The following NSMCE1 variants were observed in gnomAD, a reference collection of about 807,000 sequenced individuals.
NSMCE1 encodes NSE1 component of SMC5/6 complex.
In NSMCE1, 18 loss-of-function variants were observed where a neutral mutation model predicts 29.6. The observed-to-expected ratio is 0.61, with a 90% CI of 0.42 to 0.90. The LOEUF (loss-of-function observed/expected upper bound fraction) is 0.90. Ranked by LOEUF, NSMCE1 falls within the 40% of genes least tolerant of loss-of-function variation. The pLI is 0.00. For synonymous variants in NSMCE1, 124 were observed against 133.4 expected (o/e 0.93, Z 0.49); for missense variants, 314 against 343.6 (o/e 0.91, Z 0.68).
intron 2 of NSMCE1, among the ~76,000 whole-genome samples, chr16:27,239,804 AC>A (rs1015173395): frequency 6.6e-6 from 1 of 152,186 alleles, no homozygotes. Context: ...AGCAAGTTGA[AC>A]CTCTAAACCT....
intron 2 of NSMCE1, among the ~76,000 whole-genome samples, chr16:27,237,093 C>T (rs555225531): frequency 4.6e-4 from 70 of 152,344 alleles, no homozygotes; most frequent in Non-Finnish European, 8.4e-4. Flanking sequence ...AAGCCCAGGG[C>T]AGTGACACTA....
chr16:27,232,014 C>T lies in NSMCE1; in HGVS notation c.483+987G>A, dbSNP rs1366114325. Reference sequence around the variant, plus strand: ...TCCACCCTGTCTTCCCATCAGGTACCCCAGGAACTGAATTCGGGTCAGGTT... The same window carrying T: ...TCCACCCTGTCTTCCCATCAGGTACTCCAGGAACTGAATTCGGGTCAGGTT... On this transcript the variant is annotated intron_variant, in intron 5 of 7. Coordinates refer to ENST00000361439, the MANE Select transcript of NSMCE1 (RefSeq NM_145080.4). This position sits in a 1 kb window ranked among gnomAD's most constrained non-coding sequence, Gnocchi z 4.5. 6.6e-6 allele frequency among the ~76,000 whole-genome samples: 1 copy of T among 152,222 alleles called. No individual in the cohort carries two copies. Among genetic ancestry groups the T allele is most frequent in the African/African-American group, 2.4e-5 (1 of 41,454 alleles).
rs1567273485 is a variant in NSMCE1 at position 27,232,949 on chromosome 16, CTG to C, written c.483+50_483+51del. 2 of 1,592,350 alleles carry C rather than the reference CTG, an allele frequency of 1.3e-6. No homozygotes were observed. Among genetic ancestry groups the C allele is most frequent in the Non-Finnish European group, 1.7e-6 (2 of 1,167,914 alleles). On this transcript the variant is annotated intron_variant, in intron 5 of 7. Coordinates refer to ENST00000361439, the MANE Select transcript of NSMCE1 (RefSeq NM_145080.4). This position sits in a 1 kb window ranked among gnomAD's most constrained non-coding sequence, Gnocchi z 4.5. ...TACAAGTACGATTTTGGAGAAAAAA[CTG>C]TTATTCACTTGAAAAAGTGAACCAG... is the stretch of plus-strand genomic sequence containing the variant.
At chr16:27,263,597 G>A (rs925245089) in intron 1 of NSMCE1, among the ~76,000 whole-genome samples, 21 of 152,120 alleles carry the variant, frequency 1.4e-4, no homozygotes, top group African/African-American at 5.1e-4. Context: ...ATCGGGTACT[G>A]GACTTAATTC....
chr16:27,237,221 A>G (rs2083835733), intron 2 of NSMCE1, among the ~76,000 whole-genome samples: 1 of 152,256 alleles, frequency 6.6e-6, no homozygotes, highest in South Asian at 2.1e-4. Flanking sequence ...AGATCGTAAC[A>G]TATGACAATG....
intron 2 of NSMCE1, among the ~76,000 whole-genome samples, chr16:27,237,852 T>A (rs964810007): frequency 5.3e-5 from 8 of 152,146 alleles, no homozygotes; most frequent in African/African-American, 1.7e-4. Flanking sequence ...CATGAATGTT[T>A]TGCTGTATTT....
At chr16:27,260,886 G>T (rs532885551) in intron 1 of NSMCE1, among the ~76,000 whole-genome samples, 1 of 147,272 alleles carries the variant, frequency 6.8e-6, no homozygotes, top group Non-Finnish European at 1.5e-5. Flanking sequence ...GGTTGCGGGG[G>T]CTGGTCGTGG....
At chr16:27,248,907 C>T (rs2083990528) in intron 2 of NSMCE1, among the ~76,000 whole-genome samples, 1 of 152,096 alleles carries the variant, frequency 6.6e-6, no homozygotes, top group Non-Finnish European at 1.5e-5. Flanking sequence ...CAGCTCACTC[C>T]AACCTCTGCC....
In NSMCE1 at chr16:27,251,552, A is replaced by C. The variant is rs1460579329; in HGVS notation, c.136+5883T>G. On this transcript the variant is annotated intron_variant, in intron 2 of 7. Coordinates refer to ENST00000361439, the MANE Select transcript of NSMCE1 (RefSeq NM_145080.4). ...GTTTAGCACGTTAACGTCTACGCTC[A>C]TGAGGAGTCTTGTTTGGGGTTTTCT... 2.0e-5 allele frequency among the ~76,000 whole-genome samples: 3 copies of C among 152,286 alleles called. No individual in the cohort carries two copies. In the South Asian group the frequency reaches 6.2e-4, roughly 32 times the overall value.
chr16:27,260,317 T>C (rs574787741), intron 1 of NSMCE1, among the ~76,000 whole-genome samples: 1 of 152,312 alleles, frequency 6.6e-6, no homozygotes, highest in East Asian at 1.9e-4. Flanking sequence ...TGGACATGAA[T>C]AAATTTTACA....
At chr16:27,258,239 T>C (rs1051265468) in intron 1 of NSMCE1, 1 of 152,258 alleles carries the variant, frequency 6.6e-6, no homozygotes. Context: ...AAATGGGATC[T>C]TTCCGTAAAC....
At chr16:27,226,445 C>T in intron 6 of NSMCE1, 1 of 428,050 alleles carries the variant, frequency 2.3e-6, no homozygotes, top group East Asian at 4.2e-5. Flanking sequence ...GCAGGTTGCA[C>T]AGAACACTCA....
intron 2 of NSMCE1, among the ~76,000 whole-genome samples, chr16:27,238,140 G>A (rs532413262): frequency 7.9e-5 from 12 of 152,282 alleles, no homozygotes; most frequent in East Asian, 5.8e-4. Flanking sequence ...CAGAGGTGGC[G>A]TGGTGGCATG....
rs372637787 is a variant in NSMCE1, at chr16:27,251,121, G to A, written c.136+6314C>T. On this transcript the variant is annotated intron_variant, in intron 2 of 7. Coordinates refer to ENST00000361439, the MANE Select transcript of NSMCE1 (RefSeq NM_145080.4). ...CTCCCAAAGTGCTGGGATTACAGGC[G>A]TGAGCTACCGCGCCCAGCCTTAATT... 1.6e-3 allele frequency among the ~76,000 whole-genome samples: 233 copies of A among 142,328 alleles called. 1 individual carries two copies. The East Asian group carries it at 0.032, about 19-fold the overall frequency. The allele number at this position is 142,328 out of a possible 152,430, so 93.4% of individuals were successfully genotyped here. A position where few individuals can be genotyped will look rare whatever the true frequency, so the allele number is the denominator to read the frequency against.
chr16:27,267,819 C>G (rs552160517), intron 1 of NSMCE1, among the ~76,000 whole-genome samples: 1 of 151,956 alleles, frequency 6.6e-6, no homozygotes, highest in Non-Finnish European at 1.5e-5. Flanking sequence ...ACCTCCGCCT[C>G]CCGGGTTCAA....
chr16:27,256,991 C>G (rs2084094406), intron 2 of NSMCE1, among the ~76,000 whole-genome samples: 1 of 152,182 alleles, frequency 6.6e-6, no homozygotes, highest in Non-Finnish European at 1.5e-5. Flanking sequence ...GCAGGGATAA[C>G]AGCGTGAGCC....
intron 1 of NSMCE1, among the ~76,000 whole-genome samples, chr16:27,262,643 G>T (rs1039022289): frequency 1.3e-5 from 2 of 152,138 alleles, no homozygotes; most frequent in Non-Finnish European, 2.9e-5. Context: ...AAAATCCCTG[G>T]AAGACAACCT....
rs185291703 is a variant in NSMCE1, at chr16:27,243,557, A to G, written c.137-8258T>C. On this transcript the variant is annotated intron_variant, in intron 2 of 7. Coordinates refer to ENST00000361439, the MANE Select transcript of NSMCE1 (RefSeq NM_145080.4). ...AGCCAGACCTGCAGGAAGCCAGGCC[A>G]GTCCCCTAGCAACCAGTCCAGAAGC... is the stretch of plus-strand genomic sequence containing the variant. 3.5e-3 allele frequency among the ~76,000 whole-genome samples: 531 copies of G among 152,360 alleles called. 6 individuals carry two copies. The highest frequency in any genetic ancestry group is 0.012 in the African/African-American group (516 of 41,588).
At chr16:27,235,540 T>C (rs1409120729) in intron 2 of NSMCE1, among the ~76,000 whole-genome samples, 1 of 152,110 alleles carries the variant, frequency 6.6e-6, no homozygotes, top group Non-Finnish European at 1.5e-5. Flanking sequence ...GGAGATGCTA[T>C]CTGCAACCAC....
Sources: gnomAD v4.1 joint callset for allele counts (sites outside exome capture counted in the v4.1 genomes callset) on GRCh38, gnomAD v4.1.1 for gene constraint, Gnocchi (gnomAD v3.1) non-coding constraint, MANE v1.5 for transcripts, NCBI Gene and HGNC (gene_info 2026-07-23, HGNC 2026-07-21) for gene names.